The following CTNND1 variants were observed in gnomAD, a reference collection of about 807,000 sequenced individuals.
The protein encoded by CTNND1 is catenin delta-1.
In CTNND1, 16 loss-of-function variants were observed where a neutral mutation model predicts 112.1. The ratio of observed to expected loss-of-function variants is 0.14; its 90% CI spans 0.10 to 0.22. The LOEUF is 0.22. CTNND1 is among the 10% of genes least tolerant of loss of function. The pLI, the probability that CTNND1 is intolerant of heterozygous loss-of-function variation, is 1.00. For missense variants in CTNND1, 1,008 were observed against 1,257.0 expected (o/e 0.80, Z 3.00); for synonymous variants, 420 against 446.5 (o/e 0.94, Z 0.75).
At chr11:57,803,250 G>A (rs1174374165) in intron 7 of CTNND1, among the ~76,000 whole-genome samples, 1 of 152,172 alleles carries the variant, frequency 6.6e-6, no homozygotes, top group East Asian at 1.9e-4. Flanking sequence ...TGGGACTACA[G>A]GTGCCCGCCA....
intron 7 of CTNND1, 51 bp downstream of exon 7, chr11:57,802,247 A>G (rs2062076658): frequency 6.9e-7 from 1 of 1,450,466 alleles, no homozygotes; most frequent in Non-Finnish European, 9.4e-7. Flanking sequence ...CTCTCTAGTG[A>G]TGTTGAGAAC....
chr11:57,780,566 T>C (rs564874573), intron 1 of CTNND1, among the ~76,000 whole-genome samples: 1 of 152,328 alleles, frequency 6.6e-6, no homozygotes, highest in Admixed American at 6.5e-5. Context: ...AAGGATTATA[T>C]GATAACTTCA....
intron 14 of CTNND1, 73 bp downstream of exon 14, chr11:57,808,613 T>G: frequency 7.4e-7 from 1 of 1,347,086 alleles, no homozygotes; most frequent in East Asian, 2.5e-5. Flanking sequence ...GCCTAATAAT[T>G]TATTGAATTT....
intron 1 of CTNND1, among the ~76,000 whole-genome samples, chr11:57,770,516 G>A (rs190660574): frequency 6.6e-6 from 1 of 152,048 alleles, no homozygotes; most frequent in East Asian, 1.9e-4. Context: ...AGCTGGGCGT[G>A]GTGGCACATG....
At chr11:57,789,681 A>G (rs1202264169) in intron 2 of CTNND1, among the ~76,000 whole-genome samples, 1 of 152,200 alleles carries the variant, frequency 6.6e-6, no homozygotes, top group African/African-American at 2.4e-5. Context: ...AGAATTGCAA[A>G]AAAAAAAATC....
intron 5 of CTNND1, 90 bp downstream of exon 5, chr11:57,795,819 G>A: frequency 7.8e-7 from 1 of 1,284,580 alleles, no homozygotes; most frequent in Non-Finnish European, 1.0e-6. Context: ...TAAGATGGAG[G>A]ACTGATATGC....
At chr11:57,809,612 A>T (rs2063097462) in intron 15 of CTNND1, 146 bp downstream of exon 15, 1 of 674,898 alleles carries the variant, frequency 1.5e-6, no homozygotes, top group Non-Finnish European at 2.4e-6. Flanking sequence ...CTTAATGTTG[A>T]TCCATAAATT....
intron 17 of CTNND1, among the ~76,000 whole-genome samples, chr11:57,812,589 T>C (rs1336122038): frequency 2.0e-5 from 3 of 152,344 alleles, no homozygotes; most frequent in African/African-American, 4.8e-5. Flanking sequence ...TATTCTGTGC[T>C]GATGAAATAG....
Position 57,795,575 on chromosome 11 carries a change from A to G in CTNND1, c.268-2A>G, listed in dbSNP as rs1400004953. On this transcript the variant is annotated splice_acceptor_variant, in intron 4 of 20. Transcript: ENST00000399050. LOFTEE classifies it high-confidence loss of function. ...TTCTTCTCTTTTCTCTTTTGCATAT[A>G]GGATCACAGTCACCTTCTATATAGC... 6.2e-7 allele frequency: 1 copy of G among 1,608,346 alleles called. No homozygotes were observed. The highest frequency in any genetic ancestry group is 8.5e-7 in the Non-Finnish European group (1 of 1,178,062).
At position 57,801,922 on chromosome 11, in the gene CTNND1, C is replaced by G. The variant is rs889990491; in HGVS notation, c.1146C>G (p.Val382=). The G allele has an allele frequency of 6.2e-7, 1 of 1,613,912 alleles. No individual in the cohort carries two copies. The highest frequency in any genetic ancestry group is 8.5e-7 in the Non-Finnish European group (1 of 1,179,908). Residue 382 remains valine (V), a synonymous_variant, in exon 7 of 21, where the codon GTC becomes GTG. Coordinates refer to ENST00000399050, the MANE Select transcript of CTNND1 (RefSeq NM_001085458.2). ...IAMLGFRLDA[V]KSNAAAYLQH... ...TGCTTGGATTCCGCTTGGATGCTGT[C>G]AAGTCCAATGCAGCTGCATACCTGC... is the stretch of plus-strand genomic sequence containing the variant.
chr11:57,803,571 A>G (rs752746034), intron 7 of CTNND1, 50 bp from the exon 8 acceptor site: 1 of 1,436,682 alleles, frequency 7.0e-7, no homozygotes. Flanking sequence ...CGTTCTTCAG[A>G]CATATTGTCT....
intron 1 of CTNND1, among the ~76,000 whole-genome samples, chr11:57,762,837 A>T (rs1012742461): frequency 6.6e-6 from 1 of 152,188 alleles, no homozygotes; most frequent in Non-Finnish European, 1.5e-5. Context: ...CAAATACGAT[A>T]ACGTTTGGTT....
chr11:57,803,270 G>T (rs1335768877), intron 7 of CTNND1, among the ~76,000 whole-genome samples: 1 of 152,114 alleles, frequency 6.6e-6, no homozygotes, highest in South Asian at 2.1e-4. Context: ...ACCACGCCCG[G>T]CTAATTTTTT....
chr11:57,802,794 C>T (rs2062151284), intron 7 of CTNND1, among the ~76,000 whole-genome samples: 1 of 152,216 alleles, frequency 6.6e-6, no homozygotes, highest in South Asian at 2.1e-4. Flanking sequence ...GCATAATCAG[C>T]ATTCCAAGGG....
chr11:57,815,879 T>C, intron 19 of CTNND1, 36 bp from the exon 20 acceptor site: 1 of 1,560,602 alleles, frequency 6.4e-7, no homozygotes, highest in Admixed American at 1.9e-5. Flanking sequence ...GAGGTTCCTG[T>C]CTCTACTCAT....
chr11:57,765,706 C>T (rs1950892878), intron 1 of CTNND1, among the ~76,000 whole-genome samples: 1 of 151,962 alleles, frequency 6.6e-6, no homozygotes, highest in African/African-American at 2.4e-5. Context: ...GGGCTCAAGC[C>T]ATCCTCCTAC....
At chr11:57,795,252 C>T (rs1233288775) in intron 4 of CTNND1, among the ~76,000 whole-genome samples, 4 of 152,130 alleles carry the variant, frequency 2.6e-5, no homozygotes, top group African/African-American at 9.7e-5. Flanking sequence ...AGGGATCACT[C>T]AGATATAGAT....
chr11:57,803,650 T>G lies in CTNND1; in HGVS notation c.1450T>G (p.Ser484Ala). 1 of 1,612,758 alleles carries G rather than the reference T, an allele frequency of 6.2e-7. No individual in the cohort carries two copies. Among genetic ancestry groups the G allele is most frequent in the Non-Finnish European group, 8.5e-7 (1 of 1,179,430 alleles). Reference protein sequence around the residue: ...GTLWNLSSHDSIKMEIVDHAL... With the variant: ...GTLWNLSSHDAIKMEIVDHAL... ...CCTGTGGAATCTTTCATCCCATGACTCAATCAAAATGGAGATTGTGGACCA... is the reference window on the plus strand; with the variant it reads ...CCTGTGGAATCTTTCATCCCATGACGCAATCAAAATGGAGATTGTGGACCA... The change falls in exon 8 of 21, where the codon TCA becomes GCA. Residue 484 changes from serine (S) to alanine (A), a missense_variant. By Grantham distance (99) the Ser-to-Ala change is moderately conservative. Around this residue, in one of 5 missense-constraint regions of CTNND1, gnomAD observed 216 missense variants for 342.8 expected, o/e 0.63. Transcript: ENST00000399050.
At chr11:57,801,084 A>G (rs2061976478) in intron 6 of CTNND1, among the ~76,000 whole-genome samples, 1 of 152,206 alleles carries the variant, frequency 6.6e-6, no homozygotes, top group Non-Finnish European at 1.5e-5. Flanking sequence ...CCTTGGAATG[A>G]CTGTGAAAAT....
Sources: allele counts gnomAD v4.1 joint callset (sites outside exome capture counted in the v4.1 genomes callset), GRCh38; gene constraint gnomAD v4.1.1; regional missense constraint gnomAD v4.1.1; transcripts MANE v1.5; gene names NCBI Gene and HGNC (gene_info 2026-07-23, HGNC 2026-07-21).